The following SLC35E2B variants were observed in gnomAD, a reference collection of about 807,000 sequenced individuals.
SLC35E2B encodes solute carrier family 35 member E2B, also known as solute carrier family 35, member E2B.
Under a neutral mutation model 32.4 loss-of-function variants are expected in SLC35E2B, and 18 were observed. The observed-to-expected ratio is 0.56, with a 90% confidence interval of 0.38 to 0.82. The LOEUF is 0.82. SLC35E2B is among the 40% of genes least tolerant of loss of function. The pLI is 0.00. For missense variants in SLC35E2B, 263 were observed against 469.5 expected, an observed-to-expected ratio of 0.56 and a Z score of 4.06; for synonymous variants, 132 against 209.1, an observed-to-expected ratio of 0.63 and a Z score of 3.18.
At chr1:1,690,092 AC>A (rs1644000761) in intron 2 of SLC35E2B, among the ~76,000 whole-genome samples, 1 of 150,136 alleles carries the variant, frequency 6.7e-6, no homozygotes, top group South Asian at 2.1e-4. Flanking sequence ...GATCAGTCTG[AC>A]CAACATGGAG....
chr1:1,671,051 C>CGCTGTA lies in SLC35E2B; in HGVS notation c.707+457_707+458insTACAGC, dbSNP rs764532644. 3.8e-3 allele frequency: 578 copies of CGCTGTA among 152,798 alleles called. 1 individual carries two copies. The highest frequency in any genetic ancestry group is 5.6e-3 in the Non-Finnish European group (381 of 68,336). 9.5% of individuals were successfully genotyped at this position (152,798 alleles called of 1,614,324 possible). A position where few individuals can be genotyped will look rare whatever the true frequency, so the allele number is the denominator to read the frequency against. On this transcript the variant is annotated intron_variant, in intron 6 of 9. Coordinates refer to ENST00000617444, the MANE Select transcript of SLC35E2B (RefSeq NM_001290264.2). ...CTGGGAGCCTGCCACGCGCTGTCCT[C>CGCTGTA]GCTGTGGGAGTCGGCCTCTCATCCT...
intron 9 of SLC35E2B, among the ~76,000 whole-genome samples, chr1:1,666,688 G>A (rs897300391): frequency 4.0e-5 from 6 of 151,660 alleles, no homozygotes; most frequent in Non-Finnish European, 4.4e-5. Context: ...CCCCAGCACT[G>A]TGGGAGGCTG....
At position 1,662,775 on chromosome 1, in the gene SLC35E2B, G is replaced by A. The variant is rs1643438829; in HGVS notation, c.*3007C>T. 7 of 751,630 alleles carry A rather than the reference G, an allele frequency of 9.3e-6. No individual in the cohort carries two copies. The highest frequency in any genetic ancestry group is 1.1e-5 in the Non-Finnish European group (7 of 612,784). The allele number at this position is 751,630 out of a possible 1,614,324, so 46.6% of individuals were successfully genotyped here. On this transcript the variant is annotated 3_prime_UTR_variant, in exon 10 of 10. Coordinates refer to ENST00000617444, the MANE Select transcript of SLC35E2B (RefSeq NM_001290264.2). ...CGTAAAGAAGCCGATGACCCAATTC[G>A]GGAGGTGGTTCAAGTGTTCTGTTCG... is the stretch of plus-strand genomic sequence containing the variant.
In SLC35E2B at chr1:1,684,815, CAG is replaced by C. The variant is rs1643932645; in HGVS notation, c.-148+6159_-148+6160del. Among the ~76,000 whole-genome samples the C allele has an allele frequency of 5.7e-5, 4 of 70,176 alleles. No individual in the cohort carries two copies. In the East Asian group the frequency reaches 1.7e-3, roughly 29 times the overall value. 46.0% of individuals were successfully genotyped at this position (70,176 alleles called of 152,430 possible). ...AAAAAAAAAAAAAAAAAAAAAAAAA[CAG>C]GACAGCCAGCGGGTGCAGTGGTTCC... is the stretch of plus-strand genomic sequence containing the variant. On this transcript the variant is annotated intron_variant, in intron 2 of 9. Transcript: ENST00000617444.
chr1:1,665,901 A>C lies in SLC35E2B; in HGVS notation c.1099T>G (p.Tyr367Asp). ...TGCTGGTGTTGCCTGGCTTTGTTGT[A>C]GAGCAGGACCCCAACGGTCACCAGG... is the stretch of plus-strand genomic sequence containing the variant. The part of the protein sequence containing the change: ...TALVTVGVLL[Y>D]NKARQHQQEA... The change falls in exon 10 of 10, where the codon TAC becomes GAC. Residue 367 changes from tyrosine (Y) to aspartate (D), a missense_variant. Tyr to Asp is a radical substitution (Grantham distance 160). Coordinates refer to ENST00000617444, the MANE Select transcript of SLC35E2B (RefSeq NM_001290264.2). 1 of 1,551,280 alleles carries C rather than the reference A, an allele frequency of 6.4e-7. No homozygotes were observed. Among genetic ancestry groups the C allele is most frequent in the Non-Finnish European group, 8.7e-7 (1 of 1,146,972 alleles).
Position 1,662,434 on chromosome 1 carries a change from G to A in SLC35E2B, c.*3348C>T, listed in dbSNP as rs530552106. ...GACCCGTCTGAGTGATCACCCAGGA[G>A]CGCGGCGGCAGCAAGCAGAGCTCAC... On this transcript the variant is annotated 3_prime_UTR_variant, in exon 10 of 10. Coordinates refer to ENST00000617444, the MANE Select transcript of SLC35E2B (RefSeq NM_001290264.2). 2.1e-4 allele frequency: 180 copies of A among 845,022 alleles called. 6 individuals are homozygous for A. Among genetic ancestry groups the A allele is most frequent in the Non-Finnish European group, 2.5e-4 (177 of 709,726 alleles). 52.3% of individuals were successfully genotyped at this position (845,022 alleles called of 1,614,324 possible).
intron 2 of SLC35E2B, among the ~76,000 whole-genome samples, chr1:1,677,312 G>A (rs980565440): frequency 1.1e-4 from 17 of 148,418 alleles, no homozygotes; most frequent in East Asian, 7.9e-4. Flanking sequence ...GCGTGTTGGC[G>A]GATCCTTGCT....
In SLC35E2B at chr1:1,675,452, G is replaced by C. The variant is rs781667949; in HGVS notation, c.586+11C>G. On this transcript the variant is annotated intron_variant, in intron 5 of 9. Coordinates refer to ENST00000617444, the MANE Select transcript of SLC35E2B (RefSeq NM_001290264.2). ...GGGCGCAGGCGGAGGGGCGGGGCCC[G>C]GGGGCCTCACCTGTGTACTCCCCCA... is the stretch of plus-strand genomic sequence containing the variant. 5.6e-6 allele frequency: 9 copies of C among 1,611,318 alleles called. 1 individual carries two copies. The South Asian group carries it at 9.9e-5, about 18-fold the overall frequency.
chr1:1,671,470 G>A, intron 6 of SLC35E2B, 39 bp downstream of exon 6: 1 of 1,397,612 alleles, frequency 7.2e-7, no homozygotes, highest in South Asian at 1.6e-5. Flanking sequence ...GTGAGCACCG[G>A]GTCTCGTCCC....
At chr1:1,669,828 GC>G in intron 7 of SLC35E2B, 92 bp from the exon 8 acceptor site, 1 of 1,318,440 alleles carries the variant, frequency 7.6e-7, no homozygotes, top group Non-Finnish European at 1.1e-6. Flanking sequence ...AGGCACCCCA[GC>G]CCAGAAGACG....
chr1:1,674,638 A>G lies in SLC35E2B; in HGVS notation c.586+825T>C, dbSNP rs200814371. On this transcript the variant is annotated intron_variant, in intron 5 of 9. Transcript: ENST00000617444. ...TCTCAAAAACATAAAAAAAACAAAA[A>G]AAAAAAAACAAAAAAAAACCAGAGT... Among the ~76,000 whole-genome samples, 552 of 150,396 alleles carry G rather than the reference A, an allele frequency of 3.7e-3. 2 individuals carry two copies. Among genetic ancestry groups the G allele is most frequent in the East Asian group, 0.02 (101 of 5,132 alleles).
chr1:1,666,520 C>G (rs756261254), intron 9 of SLC35E2B, among the ~76,000 whole-genome samples: 5 of 152,150 alleles, frequency 3.3e-5, no homozygotes, highest in Non-Finnish European at 7.4e-5. Flanking sequence ...GCCACCACAC[C>G]CAGATGAAAT....
chr1:1,681,890 CAGG>C lies in SLC35E2B; in HGVS notation c.-147-5047_-147-5045del, dbSNP rs528025364. On this transcript the variant is annotated intron_variant, in intron 2 of 9. Transcript: ENST00000617444. ...GTCCCAGCTACTCAGGAGGCTGAGG[CAGG>C]AGAACGGTGTGAACCCGGGAGGTGG... Among the ~76,000 whole-genome samples, 441 of 150,488 alleles carry C rather than the reference CAGG, an allele frequency of 2.9e-3. 1 individual carries two copies. Among genetic ancestry groups the C allele is most frequent in the Middle Eastern group, 0.014 (4 of 292 alleles).
intron 8 of SLC35E2B, 74 bp from the exon 9 acceptor site, chr1:1,668,546 C>T (rs1471511945): frequency 5.3e-5 from 86 of 1,612,492 alleles, no homozygotes; most frequent in Middle Eastern, 1.7e-4. Flanking sequence ...AAACGCCCAG[C>T]GCCACTCCTG....
chr1:1,666,701 T>C (rs1454635297), intron 9 of SLC35E2B, among the ~76,000 whole-genome samples: 3 of 132,264 alleles, frequency 2.3e-5, no homozygotes, highest in Admixed American at 7.4e-5. Context: ...GGAGGCTGGG[T>C]GTGGGGGCTC....
chr1:1,677,368 C>T (rs1643862662), intron 2 of SLC35E2B, among the ~76,000 whole-genome samples: 1 of 151,324 alleles, frequency 6.6e-6, no homozygotes, highest in Non-Finnish European at 1.5e-5. Flanking sequence ...TCCTGGCAGA[C>T]CTGGGGCTGT....
chr1:1,679,424 G>A (rs956051163), intron 2 of SLC35E2B, among the ~76,000 whole-genome samples: 3 of 152,112 alleles, frequency 2.0e-5, no homozygotes, highest in African/African-American at 7.2e-5. Flanking sequence ...AAGCCTGTGG[G>A]ACCCACACAA....
In SLC35E2B at chr1:1,665,837, G is replaced by T; in HGVS notation, c.1163C>A (p.Ala388Asp). 1 of 1,550,992 alleles carries T rather than the reference G, an allele frequency of 6.4e-7. No individual in the cohort carries two copies. Residue 388 changes from alanine (A) to aspartate (D), a missense_variant, in exon 10 of 10, where the codon GCC becomes GAC. By Grantham distance (126) the Ala-to-Asp change is moderately radical. Transcript: ENST00000617444. ...CAGCGGCTCCACTGTGTCGTCTGGG[G>T]CCCGGCCAGTGGCTGCAGCCAGGCT... is the stretch of plus-strand genomic sequence containing the variant. ...LQSLAAATGR[A>D]PDDTVEPLLP...
chr1:1,665,676 G>T lies in SLC35E2B; in HGVS notation c.*106C>A. Reference sequence around the variant, plus strand: ...AAAGCCGCAGGCAATGGCCAACTTAGCTCCCCATGTCCTGCACCCCAGCAG... The same window carrying T: ...AAAGCCGCAGGCAATGGCCAACTTATCTCCCCATGTCCTGCACCCCAGCAG... On this transcript the variant is annotated 3_prime_UTR_variant, in exon 10 of 10. Transcript: ENST00000617444. 1 of 1,452,286 alleles carries T rather than the reference G, an allele frequency of 6.9e-7. No homozygotes were observed. Among genetic ancestry groups the T allele is most frequent in the Non-Finnish European group, 9.1e-7 (1 of 1,099,454 alleles). The allele number at this position is 1,452,286 out of a possible 1,614,324, so 90.0% of individuals were successfully genotyped here.
Sources: allele counts gnomAD v4.1 joint callset (sites outside exome capture counted in the v4.1 genomes callset), GRCh38; gene constraint gnomAD v4.1.1; transcripts MANE v1.5; gene names NCBI Gene and HGNC (gene_info 2026-07-23, HGNC 2026-07-21).